Variants in PWWP2A observed in about 807,000 individuals in gnomAD.
PWWP2A encodes the protein PWWP domain containing 2A.
PWWP2A carries 18 observed loss-of-function variants against 48.5 expected under a neutral mutation model. That is an observed-to-expected ratio of 0.37 (90% CI 0.26 to 0.55). The LOEUF (loss-of-function observed/expected upper bound fraction) is 0.55, where lower values mean the gene tolerates loss of function less well. Among genes scored for constraint, PWWP2A ranks in the 20% least tolerant of loss-of-function variants. The pLI, the probability that PWWP2A is intolerant of heterozygous loss-of-function variation, is 0.81. For synonymous variants in PWWP2A, 396 were observed against 387.7 expected (o/e 1.02, Z -0.25); for missense variants, 867 against 976.4 (o/e 0.89, Z 1.49).
At chr5:160,115,481 CAGGAGTT>C (rs1213802497) in intron 1 of PWWP2A, among the ~76,000 whole-genome samples, 3 of 151,988 alleles carry the variant, frequency 2.0e-5, no homozygotes. Flanking sequence ...TACCTGAGGT[CAGGAGTT>C]AGAGACCAGC....
intron 1 of PWWP2A, chr5:160,113,370 A>G (rs1332365531): frequency 2.6e-5 from 25 of 979,326 alleles, no homozygotes; most frequent in African/African-American, 3.5e-5. Flanking sequence ...AGCATTTCAA[A>G]TGATTACAAA....
chr5:160,083,020 C>T (rs972361691), intron 2 of PWWP2A, among the ~76,000 whole-genome samples: 1 of 152,148 alleles, frequency 6.6e-6, no homozygotes, highest in African/African-American at 2.4e-5. Flanking sequence ...AAACTAAAAA[C>T]TTAAGAGCAT....
At position 160,078,304 on chromosome 5, in the gene PWWP2A, C is replaced by T; in HGVS notation, c.1670-136G>A. The stretch of plus-strand genomic sequence containing the variant: ...ATTTTTTCTTTTAAATCGGTTAAAC[C>T]TGACCGATGTTGTTTTGAGAAAACA... On this transcript the variant is annotated intron_variant, in intron 3 of 3. Transcript: ENST00000456329. The surrounding 1 kb of genome is among the most constrained non-coding windows in gnomAD (Gnocchi z 4.2). 1 of 671,782 alleles carries T rather than the reference C, an allele frequency of 1.5e-6. No homozygotes were observed. Among genetic ancestry groups the T allele is most frequent in the South Asian group, 1.8e-5 (1 of 54,636 alleles). 41.6% of individuals were successfully genotyped at this position (671,782 alleles called of 1,614,324 possible).
intron 1 of PWWP2A, among the ~76,000 whole-genome samples, chr5:160,098,595 T>A (rs1755931011): frequency 2.0e-5 from 3 of 152,222 alleles, no homozygotes; most frequent in Non-Finnish European, 4.4e-5. Context: ...AGTAAATATC[T>A]GTAACTGCAA....
At chr5:160,062,525 C>A (rs1753451410) in intron 5 of PWWP2A, among the ~76,000 whole-genome samples, 1 of 152,214 alleles carries the variant, frequency 6.6e-6, no homozygotes, top group Non-Finnish European at 1.5e-5. Flanking sequence ...TACTTTTATT[C>A]TTTACATCCC....
intron 1 of PWWP2A, among the ~76,000 whole-genome samples, chr5:160,111,221 G>GCT (rs1757534303): frequency 1.3e-5 from 2 of 152,098 alleles, no homozygotes; most frequent in African/African-American, 4.8e-5. Context: ...AGGATGGAGT[G>GCT]CAATAGCATG....
chr5:160,090,864 T>C (rs1755003402), downstream of PWWP2A: 1 of 984,726 alleles, frequency 1.0e-6, no homozygotes, highest in African/African-American at 1.7e-5. Context: ...CAATCAGATA[T>C]ATTTCTCACT....
the PWWP2A span, among the ~76,000 whole-genome samples, chr5:160,044,905 A>T: frequency 6.6e-6 from 1 of 152,098 alleles, no homozygotes; most frequent in Non-Finnish European, 1.5e-5. Context: ...TGCCCTCTCT[A>T]CTGGCTTTCT....
the PWWP2A span, among the ~76,000 whole-genome samples, chr5:160,053,186 A>G: frequency 1.3e-5 from 2 of 152,330 alleles, no homozygotes; most frequent in East Asian, 1.9e-4. Context: ...ATGCAAATTA[A>G]TATCACTTAG....
rs1755081436 is a variant in PWWP2A, at chr5:160,091,714, T to C, written c.*668A>G. The C allele has an allele frequency of 3.0e-6, 3 of 985,020 alleles. No individual in the cohort carries two copies. The allele number at this position is 985,020 out of a possible 1,614,324, so 61.0% of individuals were successfully genotyped here. On this transcript the variant is annotated 3_prime_UTR_variant, in exon 2 of 2. Transcript: ENST00000307063. ...ACGAAAGACAGTGATGACTAACACCTATCCAGTCTTGACAGTTTTAATCCC... is the reference window on the plus strand; with the variant it reads ...ACGAAAGACAGTGATGACTAACACCCATCCAGTCTTGACAGTTTTAATCCC...
the PWWP2A span, among the ~76,000 whole-genome samples, chr5:160,056,718 G>T: frequency 6.6e-6 from 1 of 152,106 alleles, no homozygotes; most frequent in Non-Finnish European, 1.5e-5. Flanking sequence ...GTGAAACCCT[G>T]TCTCAAAAGC....
intron 1 of PWWP2A, among the ~76,000 whole-genome samples, chr5:160,100,434 C>T (rs571702079): frequency 2.6e-5 from 4 of 152,132 alleles, no homozygotes; most frequent in Non-Finnish European, 5.9e-5. Flanking sequence ...CAATGCACTC[C>T]AGCCTGGGTG....
intron 1 of PWWP2A, among the ~76,000 whole-genome samples, chr5:160,117,660 A>C (rs1758281214): frequency 1.3e-5 from 2 of 152,030 alleles, no homozygotes; most frequent in Non-Finnish European, 2.9e-5. Flanking sequence ...CCGTCTCAAA[A>C]AAAAAAAAAA....
At chr5:160,117,570 T>C (rs1758265448) in intron 1 of PWWP2A, among the ~76,000 whole-genome samples, 1 of 151,686 alleles carries the variant, frequency 6.6e-6, no homozygotes, top group East Asian at 1.9e-4. Flanking sequence ...GGCGGGAGAA[T>C]CGCTTGAACC....
intron 1 of PWWP2A, chr5:160,116,592 C>A (rs1023680338): frequency 9.2e-6 from 8 of 866,520 alleles, no homozygotes; most frequent in Middle Eastern, 5.9e-4. Context: ...AGCATGAGAC[C>A]AAAACTCAAT....
chr5:160,084,702 A>T (rs1754489711), intron 2 of PWWP2A, among the ~76,000 whole-genome samples: 1 of 152,180 alleles, frequency 6.6e-6, no homozygotes, highest in Non-Finnish European at 1.5e-5. Context: ...AAGTACTAGG[A>T]TTATAGGCAT....
intron 1 of PWWP2A, among the ~76,000 whole-genome samples, chr5:160,109,219 A>C (rs1007998082): frequency 6.6e-6 from 1 of 152,008 alleles, no homozygotes; most frequent in Non-Finnish European, 1.5e-5. Context: ...CCTGGCCTCA[A>C]GTGATCCACC....
intron 1 of PWWP2A, among the ~76,000 whole-genome samples, chr5:160,096,057 T>A (rs1053028465): frequency 2.6e-5 from 4 of 152,140 alleles, no homozygotes; most frequent in African/African-American, 9.7e-5. Flanking sequence ...TATTAGGTAC[T>A]AACAGCTGTG....
At position 160,077,246 on chromosome 5, in the gene PWWP2A, G is replaced by A. The variant is rs951677261; in HGVS notation, c.*909C>T. ...ACTTAGGAGCGGCTCTCTATGGAGA[G>A]AGGTCCACATCAAAATTTAGACGTT... On this transcript the variant is annotated 3_prime_UTR_variant, in exon 4 of 4. Transcript: ENST00000456329. This position sits in a 1 kb window ranked among gnomAD's most constrained non-coding sequence, Gnocchi z 4.2. 2.0e-5 allele frequency: 3 copies of A among 152,164 alleles called. No homozygotes were observed. The highest frequency in any genetic ancestry group is 7.2e-5 in the African/African-American group (3 of 41,428). The allele number at this position is 152,164 out of a possible 1,614,324, so 9.4% of individuals were successfully genotyped here.
Sources: allele counts gnomAD v4.1 joint callset (sites outside exome capture counted in the v4.1 genomes callset), GRCh38; gene constraint gnomAD v4.1.1; non-coding constraint Gnocchi (gnomAD v3.1); transcripts MANE v1.5; gene names NCBI Gene and HGNC (gene_info 2026-07-23, HGNC 2026-07-21).